CFAP61: variants seen among roughly 807,000 people sequenced by gnomAD.
CFAP61 encodes cilia and flagella associated protein 61.
A neutral mutation model predicts 135.6 loss-of-function variants in CFAP61; 107 were observed. The ratio of observed to expected loss-of-function variants is 0.79; its 90% confidence interval spans 0.67 to 0.93. CFAP61 has a LOEUF of 0.93. Among genes scored for constraint, CFAP61 ranks in the 40% least tolerant of loss-of-function variants. CFAP61 has a pLI of 0.00. For synonymous variants in CFAP61, 575 were observed against 578.5 expected, an observed-to-expected ratio of 0.99 and a Z score of 0.09; for missense variants, 1,507 against 1,556.2, an observed-to-expected ratio of 0.97 and a Z score of 0.53.
chr20:20,283,402 T>C (rs887129698), intron 22 of CFAP61, among the ~76,000 whole-genome samples: 2 of 152,248 alleles, frequency 1.3e-5, no homozygotes, highest in Non-Finnish European at 2.9e-5. Flanking sequence ...TTACATGATA[T>C]ATTTCCCATC....
At chr20:20,235,423 C>T (rs1353130358) in intron 18 of CFAP61, among the ~76,000 whole-genome samples, 5 of 152,068 alleles carry the variant, frequency 3.3e-5, no homozygotes, top group Non-Finnish European at 7.4e-5. Context: ...CAGAAACACT[C>T]TGGGAATCAG....
chr20:20,129,848 G>A (rs564205873), intron 8 of CFAP61, among the ~76,000 whole-genome samples: 211 of 151,414 alleles, frequency 1.4e-3, no homozygotes, highest in Middle Eastern at 6.8e-3. Context: ...AGGGCCTCCA[G>A]TGAATTTTTC....
intron 8 of CFAP61, among the ~76,000 whole-genome samples, chr20:20,136,428 T>C (rs2146733517): frequency 6.6e-6 from 1 of 152,262 alleles, no homozygotes; most frequent in South Asian, 2.1e-4. Context: ...TCTTTTTTAT[T>C]CTTTTTTCTT....
chr20:20,350,136 G>T (rs956118783), intron 26 of CFAP61, among the ~76,000 whole-genome samples: 1 of 152,202 alleles, frequency 6.6e-6, no homozygotes, highest in Non-Finnish European at 1.5e-5. Flanking sequence ...GAACCATAAT[G>T]AGATACCACT....
intron 6 of CFAP61, among the ~76,000 whole-genome samples, chr20:20,089,417 T>C (rs2146611745): frequency 6.6e-6 from 1 of 151,642 alleles, no homozygotes; most frequent in South Asian, 2.1e-4. Flanking sequence ...GATCACTCAG[T>C]AGATGGAGCT....
chr20:20,330,560 C>T (rs1421272618), intron 25 of CFAP61, among the ~76,000 whole-genome samples: 1 of 152,120 alleles, frequency 6.6e-6, no homozygotes, highest in Non-Finnish European at 1.5e-5. Flanking sequence ...TGGTCTCGAA[C>T]TCCTGACCTC....
intron 17 of CFAP61, among the ~76,000 whole-genome samples, chr20:20,227,387 C>T (rs571529529): frequency 5.9e-4 from 90 of 152,290 alleles, no homozygotes; most frequent in African/African-American, 2.1e-3. Flanking sequence ...TTGTCACTGT[C>T]CAGACACATA....
chr20:20,142,802 T>C (rs2051516401), intron 8 of CFAP61, 55 bp from the exon 9 acceptor site: 1 of 977,854 alleles, frequency 1.0e-6, no homozygotes, highest in Non-Finnish European at 1.6e-6. Flanking sequence ...TTTCCTGTGA[T>C]TCTGCAGATA....
At chr20:20,202,426 T>A (rs1453191515) in intron 17 of CFAP61, among the ~76,000 whole-genome samples, 1 of 152,196 alleles carries the variant, frequency 6.6e-6, no homozygotes, top group Non-Finnish European at 1.5e-5. Context: ...CAGTGAAAAA[T>A]TTTAGACATA....
At chr20:20,279,064 G>A (rs1031554338) in intron 22 of CFAP61, among the ~76,000 whole-genome samples, 4 of 152,100 alleles carry the variant, frequency 2.6e-5, no homozygotes, top group African/African-American at 4.8e-5. Context: ...AGATTGCCAC[G>A]TTTATTCTGG....
Position 20,277,243 on chromosome 20 carries a change from A to G in CFAP61, c.2581A>G (p.Ser861Gly), listed in dbSNP as rs769037004. 6.2e-7 allele frequency: 1 copy of G among 1,613,928 alleles called. No individual in the cohort carries two copies. Among genetic ancestry groups the G allele is most frequent in the South Asian group, 1.1e-5 (1 of 91,072 alleles). Residue 861 changes from serine (S) to glycine (G), a missense_variant, in exon 22 of 27, where the codon AGC becomes GGC. Transcript: ENST00000245957. ...ETLLNLGVSG[S>G]RIHLVQPPPA... The stretch of plus-strand genomic sequence containing the variant: ...GCTCTTAAACCTTGGCGTGAGCGGC[A>G]GCCGCATCCACCTCGTGCAGCCCCC...
intron 2 of CFAP61, among the ~76,000 whole-genome samples, chr20:20,057,528 C>T (rs768658154): frequency 6.6e-6 from 1 of 152,140 alleles, no homozygotes; most frequent in Non-Finnish European, 1.5e-5. Flanking sequence ...GGGAGGCTGG[C>T]GCAGGGTCAA....
intron 20 of CFAP61, among the ~76,000 whole-genome samples, chr20:20,254,685 G>A (rs1203665044): frequency 2.6e-5 from 4 of 152,138 alleles, no homozygotes; most frequent in Non-Finnish European, 5.9e-5. Flanking sequence ...TCCTGGTTTT[G>A]TCCCAATTTT....
intron 25 of CFAP61, among the ~76,000 whole-genome samples, chr20:20,337,505 GATAA>G (rs1207007922): frequency 0.11 from 780 of 7,342 alleles, 6 homozygotes; most frequent in East Asian, 0.15. Context: ...TGGGTGGATG[GATAA>G]ATGGATGGAT....
At chr20:20,180,567 G>A (rs2054990152) in intron 13 of CFAP61, among the ~76,000 whole-genome samples, 1 of 152,078 alleles carries the variant, frequency 6.6e-6, no homozygotes, top group African/African-American at 2.4e-5. Flanking sequence ...TTGTGGGAGT[G>A]TAAATTAGTT....
At chr20:20,272,956 G>A (rs1180357565) in intron 21 of CFAP61, among the ~76,000 whole-genome samples, 6 of 152,104 alleles carry the variant, frequency 3.9e-5, no homozygotes, top group Admixed American at 3.9e-4. Context: ...AAAACCAGGG[G>A]TGGAAATCTC....
intron 20 of CFAP61, among the ~76,000 whole-genome samples, chr20:20,260,552 G>C (rs1010567844): frequency 4.6e-5 from 7 of 152,170 alleles, no homozygotes; most frequent in African/African-American, 1.4e-4. Context: ...CTTTATAGTA[G>C]AGAAGTATGC....
intron 2 of CFAP61, among the ~76,000 whole-genome samples, chr20:20,061,604 G>T (rs897306390): frequency 6.6e-5 from 10 of 152,210 alleles, no homozygotes; most frequent in African/African-American, 1.9e-4. Context: ...TAAAACTGTT[G>T]TTGGGAGAGC....
chr20:20,211,706 G>T (rs777880576), intron 17 of CFAP61, among the ~76,000 whole-genome samples: 2 of 152,130 alleles, frequency 1.3e-5, no homozygotes, highest in Non-Finnish European at 2.9e-5. Flanking sequence ...GTTCAATTGT[G>T]TCCCAGGTTT....
Sources: gnomAD v4.1 joint callset for allele counts (sites outside exome capture counted in the v4.1 genomes callset) on GRCh38, gnomAD v4.1.1 for gene constraint, MANE v1.5 for transcripts, NCBI Gene and HGNC (gene_info 2026-07-23, HGNC 2026-07-21) for gene names.